Variants in SLC24A2 observed in about 807,000 individuals in gnomAD.
SLC24A2 encodes the protein sodium/potassium/calcium exchanger 2.
Under a neutral mutation model 62.0 loss-of-function variants are expected in SLC24A2, and 36 were observed. That is an observed-to-expected ratio of 0.58 (90% confidence interval 0.44 to 0.77). The LOEUF is 0.77. Among genes scored for constraint, SLC24A2 ranks in the 30% least tolerant of loss-of-function variants. SLC24A2 has a pLI of 0.00. For synonymous variants in SLC24A2, 358 were observed against 294.0 expected, an observed-to-expected ratio of 1.22 and a Z score of -2.23; for missense variants, 846 against 817.9, an observed-to-expected ratio of 1.03 and a Z score of -0.42.
At chr9:19,813,611 G>A in the SLC24A2 span, among the ~76,000 whole-genome samples, 146 of 151,934 alleles carry the variant, frequency 9.6e-4, 1 homozygote, top group Admixed American at 1.6e-3. Context: ...GAACCACCAC[G>A]TCCAGCCCAT....
At chr9:19,763,851 C>T (rs541364742) in intron 2 of SLC24A2, among the ~76,000 whole-genome samples, 1 of 152,150 alleles carries the variant, frequency 6.6e-6, no homozygotes, top group African/African-American at 2.4e-5. Context: ...AGGACTTTCT[C>T]TTTTTCTATT....
At chr9:19,781,851 C>T (rs1823029501) in intron 2 of SLC24A2, among the ~76,000 whole-genome samples, 1 of 152,130 alleles carries the variant, frequency 6.6e-6, no homozygotes, top group Non-Finnish European at 1.5e-5. Context: ...CACATGTATA[C>T]TTATACAATT....
chr9:19,903,217 G>T, the SLC24A2 span, among the ~76,000 whole-genome samples: 1 of 152,132 alleles, frequency 6.6e-6, no homozygotes, highest in Non-Finnish European at 1.5e-5. Flanking sequence ...GTAAAGGCTG[G>T]AAGTCTGAGA....
the SLC24A2 span, among the ~76,000 whole-genome samples, chr9:19,955,341 T>C: frequency 6.6e-6 from 1 of 151,426 alleles, no homozygotes; most frequent in Non-Finnish European, 1.5e-5. Flanking sequence ...TATGGTAGAG[T>C]GAATAAAAAA....
intron 2 of SLC24A2, among the ~76,000 whole-genome samples, chr9:19,715,377 C>A (rs1220602647): frequency 6.6e-6 from 1 of 152,108 alleles, no homozygotes; most frequent in Non-Finnish European, 1.5e-5. Context: ...AATTGCCTAG[C>A]TGGAGAGGGA....
chr9:19,956,586 G>C, the SLC24A2 span, among the ~76,000 whole-genome samples: 1 of 152,184 alleles, frequency 6.6e-6, no homozygotes, highest in Non-Finnish European at 1.5e-5. Context: ...AGGAGCAAGT[G>C]ACATCTTACT....
At chr9:19,944,990 C>T in the SLC24A2 span, among the ~76,000 whole-genome samples, 1 of 152,280 alleles carries the variant, frequency 6.6e-6, no homozygotes, top group South Asian at 2.1e-4. Context: ...ATGAACTGGT[C>T]TTCACACATC....
chr9:20,261,150 A>G, the SLC24A2 span, among the ~76,000 whole-genome samples: 1 of 151,954 alleles, frequency 6.6e-6, no homozygotes, highest in East Asian at 1.9e-4. Context: ...GAGCCACTGC[A>G]CCCGGCCCAA....
the SLC24A2 span, among the ~76,000 whole-genome samples, chr9:20,257,368 G>A: frequency 6.6e-6 from 1 of 152,136 alleles, no homozygotes; most frequent in African/African-American, 2.4e-5. Context: ...CCTCTTTATA[G>A]TTTTCAGTCA....
the SLC24A2 span, among the ~76,000 whole-genome samples, chr9:19,903,018 T>A: frequency 1.3e-5 from 2 of 150,252 alleles, no homozygotes; most frequent in African/African-American, 4.9e-5. Flanking sequence ...TCAAAGTCTA[T>A]AATAAGTCTT....
the SLC24A2 span, among the ~76,000 whole-genome samples, chr9:20,160,990 C>A: frequency 6.6e-6 from 1 of 150,834 alleles, no homozygotes; most frequent in Admixed American, 6.6e-5. Flanking sequence ...AAAAAACTAC[C>A]AAATAATTTA....
the SLC24A2 span, among the ~76,000 whole-genome samples, chr9:20,019,149 G>C: frequency 9.5e-6 from 1 of 105,260 alleles, no homozygotes; most frequent in African/African-American, 4.1e-5. Context: ...AAGAAAGAAA[G>C]AAAGAAAGAG....
chr9:20,227,439 T>G, the SLC24A2 span, among the ~76,000 whole-genome samples: 3 of 151,308 alleles, frequency 2.0e-5, no homozygotes, highest in Non-Finnish European at 4.4e-5. Context: ...AGCTCAACCA[T>G]GTGAGGTGAA....
chr9:19,677,563 G>C (rs1182581596), intron 2 of SLC24A2, among the ~76,000 whole-genome samples: 1 of 152,160 alleles, frequency 6.6e-6, no homozygotes, highest in Non-Finnish European at 1.5e-5. Flanking sequence ...AAACGTGCAT[G>C]TGTACCCCTG....
the SLC24A2 span, among the ~76,000 whole-genome samples, chr9:19,883,022 C>T: frequency 2.6e-5 from 4 of 152,106 alleles, no homozygotes; most frequent in African/African-American, 7.2e-5. Context: ...TGGACGGTAG[C>T]CTTCATGCTG....
At chr9:19,720,866 T>TGTGG (rs1213712895) in intron 2 of SLC24A2, among the ~76,000 whole-genome samples, 3 of 132,634 alleles carry the variant, frequency 2.3e-5, no homozygotes, top group African/African-American at 7.5e-5. Flanking sequence ...TGTGTGTGTG[T>TGTGG]GTGTGTGTGT....
chr9:19,987,436 A>T, the SLC24A2 span, among the ~76,000 whole-genome samples: 1 of 152,144 alleles, frequency 6.6e-6, no homozygotes. Flanking sequence ...ATTTTAAGTG[A>T]TTAGTGAGGA....
the SLC24A2 span, among the ~76,000 whole-genome samples, chr9:20,008,161 G>A: frequency 6.6e-6 from 1 of 151,916 alleles, no homozygotes; most frequent in Non-Finnish European, 1.5e-5. Flanking sequence ...CTCCCAAAGT[G>A]CTGAGATTAC....
the SLC24A2 span, among the ~76,000 whole-genome samples, chr9:19,844,693 T>A: frequency 6.6e-6 from 1 of 152,140 alleles, no homozygotes; most frequent in African/African-American, 2.4e-5. Flanking sequence ...TTAATTTTTT[T>A]ATATGGTGAA....
Sources: allele counts gnomAD v4.1 joint callset (sites outside exome capture counted in the v4.1 genomes callset), GRCh38; gene constraint gnomAD v4.1.1; transcripts MANE v1.5; gene names NCBI Gene and HGNC (gene_info 2026-07-23, HGNC 2026-07-21).